The following RARS1 variants were observed in gnomAD, a reference collection of about 807,000 sequenced individuals.
RARS1 encodes the protein arginyl-tRNA synthetase 1.
In RARS1, 75 loss-of-function variants were observed where a neutral mutation model predicts 78.7. The ratio of observed to expected loss-of-function variants is 0.95; its 90% CI spans 0.79 to 1.15. The LOEUF is 1.15. RARS1 is among the 50% of genes most tolerant of loss of function. RARS1 has a pLI of 0.00. For missense variants in RARS1, 787 were observed against 787.5 expected, an observed-to-expected ratio of 1.00 and a Z score of 0.01; for synonymous variants, 273 against 268.2, an observed-to-expected ratio of 1.02 and a Z score of -0.18.
chr5:168,518,095 T>TTTTTTG, intron 14 of RARS1, 33 bp downstream of exon 14: 2 of 1,338,148 alleles, frequency 1.5e-6, no homozygotes, highest in Middle Eastern at 2.7e-4. Context: ...TTTTTTTTTT[T>TTTTTTG]AGTGAGAGAC....
At chr5:168,491,174 A>T (rs76401404) in intron 2 of RARS1, among the ~76,000 whole-genome samples, 3,907 of 152,230 alleles carry the variant, frequency 0.026, 133 homozygotes, top group East Asian at 0.096. Context: ...AAAAATTGAC[A>T]TTTATTATAG....
At position 168,516,815 on chromosome 5, in the gene RARS1, C is replaced by T; in HGVS notation, c.1490C>T (p.Ser497Phe). The change falls in exon 13 of 15, where the codon TCC becomes TTC. Residue 497 changes from serine to phenylalanine, a missense_variant. By Grantham distance (155) the Ser-to-Phe change is radical. Coordinates refer to ENST00000231572, the MANE Select transcript of RARS1 (RefSeq NM_002887.4). ...GAGGAATTGAATGCTGCTCAGACATCCGTTGCGTATGGCTGCATCAAATAT... is the reference window on the plus strand; with the variant it reads ...GAGGAATTGAATGCTGCTCAGACATTCGTTGCGTATGGCTGCATCAAATAT... ...TAEELNAAQT[S>F]VAYGCIKYAD... 3.1e-6 allele frequency: 5 copies of T among 1,614,152 alleles called. No homozygotes were observed. The highest frequency in any genetic ancestry group is 4.2e-6 in the Non-Finnish European group (5 of 1,180,034).
At chr5:168,507,556 A>AT (rs1195422947) in intron 11 of RARS1, among the ~76,000 whole-genome samples, 1 of 152,316 alleles carries the variant, frequency 6.6e-6, no homozygotes, top group East Asian at 1.9e-4. Flanking sequence ...CTTCTAAAAA[A>AT]CCACATGAAG....
In RARS1 at chr5:168,518,011, T is replaced by G. The variant is rs1180796231; in HGVS notation, c.1822T>G (p.Phe608Val). 1.2e-6 allele frequency: 2 copies of G among 1,610,426 alleles called. No homozygotes were observed. The highest frequency in any genetic ancestry group is 2.7e-5 in the African/African-American group (2 of 74,378). The part of the protein sequence containing the change: ...CDYIYELATA[F>V]TEFYDSCYCV... Reference sequence around the variant, plus strand: ...TTATATATATGAGCTGGCAACTGCTTTCACAGAGTTCTATGATAGCTGCTA... The same window carrying G: ...TTATATATATGAGCTGGCAACTGCTGTCACAGAGTTCTATGATAGCTGCTA... The change falls in exon 14 of 15, where the codon TTC (phenylalanine) becomes GTC (valine). Residue 608 changes from phenylalanine to valine, a missense_variant. By Grantham distance (50) the Phe-to-Val change is conservative. Coordinates refer to ENST00000231572, the MANE Select transcript of RARS1 (RefSeq NM_002887.4).
intron 12 of RARS1, among the ~76,000 whole-genome samples, chr5:168,512,478 T>G (rs184735539): frequency 3.0e-3 from 463 of 152,260 alleles, no homozygotes; most frequent in African/African-American, 0.011. Context: ...TTACCCACAT[T>G]GGTGTATTAG....
chr5:168,491,946 C>CTTTTTT (rs149780336), intron 2 of RARS1, among the ~76,000 whole-genome samples: 4 of 102,614 alleles, frequency 3.9e-5, no homozygotes, highest in Non-Finnish European at 5.7e-5. Flanking sequence ...TGTCATTCAC[C>CTTTTTT]TTTTTTTTTT....
intron 11 of RARS1, among the ~76,000 whole-genome samples, chr5:168,509,473 T>G (rs894094091): frequency 7.1e-6 from 1 of 140,590 alleles, no homozygotes; most frequent in Non-Finnish European, 1.5e-5. Context: ...GAAAATGATA[T>G]TATATCCTTG....
At chr5:168,501,216 T>C (rs1005809570) in intron 8 of RARS1, among the ~76,000 whole-genome samples, 1 of 152,180 alleles carries the variant, frequency 6.6e-6, no homozygotes, top group African/African-American at 2.4e-5. Flanking sequence ...CCAGTAGATC[T>C]TTGAAAAAGA....
At position 168,518,996 on chromosome 5, in the gene RARS1, A is replaced by G; in HGVS notation, c.1874-85A>G. 6.8e-6 allele frequency: 8 copies of G among 1,183,518 alleles called. 1 individual carries two copies. In the South Asian group the frequency reaches 8.4e-5, roughly 12 times the overall value. The allele number at this position is 1,183,518 out of a possible 1,614,324, so 73.3% of individuals were successfully genotyped here. On this transcript the variant is annotated intron_variant, in intron 14 of 14. Transcript: ENST00000231572. ...TGGGTTGGACTATGCACTTCTAACT[A>G]AAATTTGCAAGTAACATAGATTCTT...
chr5:168,488,334 G>C, intron 1 of RARS1: 1 of 382,486 alleles, frequency 2.6e-6, no homozygotes, highest in East Asian at 6.0e-5. Flanking sequence ...CGCTATGTTT[G>C]CCATGCTGGT....
chr5:168,493,160 A>T (rs1758120617), intron 3 of RARS1: 1 of 197,630 alleles, frequency 5.1e-6, no homozygotes. Context: ...GGAGGTGAAA[A>T]ATTAAAATAA....
chr5:168,506,738 CAA>C lies in RARS1; in HGVS notation c.1254_1255del (p.Phe420CysfsTer10). 1 of 1,613,056 alleles carries C rather than the reference CAA, an allele frequency of 6.2e-7. No homozygotes were observed. The highest frequency in any genetic ancestry group is 2.2e-5 in the East Asian group (1 of 44,846). ...CTGTTGTAGTCTGTGCACTTCCAGA[CAA>C]TATTTGCTGCTGCTCAAATGATTGG... On this transcript the variant is annotated frameshift_variant, in exon 11 of 15. Coordinates refer to ENST00000231572, the MANE Select transcript of RARS1 (RefSeq NM_002887.4). LOFTEE classifies it high-confidence loss of function.
chr5:168,513,221 A>AT (rs35468758), intron 12 of RARS1, among the ~76,000 whole-genome samples: 5,087 of 91,776 alleles, frequency 0.055, 175 homozygotes, highest in African/African-American at 0.15. Flanking sequence ...AATTTTTTGT[A>AT]TTTTTTTTTT....
Position 168,504,523 on chromosome 5 carries a change from AAAAAAAAAAAAG to A in RARS1, c.1058-1488_1058-1477del, listed in dbSNP as rs1471124809. On this transcript the variant is annotated intron_variant, in intron 9 of 14. Coordinates refer to ENST00000231572, the MANE Select transcript of RARS1 (RefSeq NM_002887.4). ...GGCGACAAAGCAAGATTCTGTCTCA[AAAAAAAAAAAAG>A]AAAAAAAAATGCCAGGCCCGGTGGC... Among the ~76,000 whole-genome samples the A allele has an allele frequency of 9.9e-5, 11 of 110,978 alleles. No homozygotes were observed. In the South Asian group the frequency reaches 2.7e-3, roughly 27 times the overall value. The allele number at this position is 110,978 out of a possible 152,430, so 72.8% of individuals were successfully genotyped here. A position where few individuals can be genotyped will look rare whatever the true frequency, so the allele number is the denominator to read the frequency against.
chr5:168,509,677 T>A (rs1414086711), intron 11 of RARS1, among the ~76,000 whole-genome samples: 9 of 130,462 alleles, frequency 6.9e-5, no homozygotes, highest in Admixed American at 1.6e-4. Flanking sequence ...TTTTTTTTTT[T>A]AAAGGAACTG....
intron 13 of RARS1, 61 bp downstream of exon 13, chr5:168,517,011 A>G: frequency 6.5e-7 from 1 of 1,527,736 alleles, no homozygotes; most frequent in Non-Finnish European, 8.9e-7. Flanking sequence ...AGTTACTCAA[A>G]AATATTTTCT....
chr5:168,500,046 GGT>G (rs1350592179), intron 7 of RARS1, among the ~76,000 whole-genome samples: 1 of 151,852 alleles, frequency 6.6e-6, no homozygotes, highest in Admixed American at 6.6e-5. Flanking sequence ...AAATTAGGCG[GGT>G]GTGATGGCTT....
At chr5:168,496,272 G>T (rs1334703051) in intron 6 of RARS1, among the ~76,000 whole-genome samples, 1 of 151,252 alleles carries the variant, frequency 6.6e-6, no homozygotes. Context: ...CCACCTACTT[G>T]GGAAGCTGAG....
Position 168,519,231 on chromosome 5 carries a change from G to T in RARS1, c.*41G>T. The stretch of plus-strand genomic sequence containing the variant: ...AACACTGTGTGTTTTTACCAAAGTG[G>T]CCATTGGCACTGTTTGCTTTTTTAC... On this transcript the variant is annotated 3_prime_UTR_variant, in exon 15 of 15. Transcript: ENST00000231572. 2.7e-6 allele frequency: 4 copies of T among 1,491,682 alleles called. No homozygotes were observed. The highest frequency in any genetic ancestry group is 3.7e-6 in the Non-Finnish European group (4 of 1,075,920). The allele number at this position is 1,491,682 out of a possible 1,614,324, so 92.4% of individuals were successfully genotyped here. A position where few individuals can be genotyped will look rare whatever the true frequency, so the allele number is the denominator to read the frequency against.
Sources: allele counts gnomAD v4.1 joint callset (sites outside exome capture counted in the v4.1 genomes callset), GRCh38; gene constraint gnomAD v4.1.1; transcripts MANE v1.5; gene names NCBI Gene and HGNC (gene_info 2026-07-23, HGNC 2026-07-21).